Variants in SRC observed in about 807,000 individuals in gnomAD.
The protein encoded by SRC is SRC proto-oncogene, non-receptor tyrosine kinase, also known as proto-oncogene tyrosine-protein kinase Src.
In SRC, 13 loss-of-function variants were observed where a neutral mutation model predicts 62.9. The ratio of observed to expected loss-of-function variants is 0.21; its 90% CI spans 0.13 to 0.33. The LOEUF is 0.33. SRC is among the 10% of genes least tolerant of loss of function. The pLI, the probability that SRC is intolerant of heterozygous loss-of-function variation, is 1.00. For synonymous variants in SRC, 302 were observed against 317.5 expected (o/e 0.95, Z 0.52); for missense variants, 457 against 737.3 (o/e 0.62, Z 4.40).
chr20:37,375,416 T>C lies in SRC; in HGVS notation c.-172-7203T>C, dbSNP rs576477772. Among the ~76,000 whole-genome samples, 5 of 152,270 alleles carry C rather than the reference T, an allele frequency of 3.3e-5. No individual in the cohort carries two copies. The South Asian group carries it at 1.0e-3, about 32-fold the overall frequency. ...CTGGCTAATTTCTTTTGTGTATTTT[T>C]GGTAGAAATGGGGTTTCACCATGTT... On this transcript the variant is annotated intron_variant, in intron 2 of 13. Transcript: ENST00000373578.
At chr20:37,388,069 G>C (rs1279836865) in intron 5 of SRC, among the ~76,000 whole-genome samples, 1 of 152,226 alleles carries the variant, frequency 6.6e-6, no homozygotes, top group African/African-American at 2.4e-5. Context: ...ACAGGAGGGA[G>C]AGGCCCGTGC....
rs2070563093 is a variant in SRC, at chr20:37,392,223, CA to C, written c.351-1671del. On this transcript the variant is annotated intron_variant, in intron 5 of 13. Transcript: ENST00000373578. ...CAGCCCCAGTCACACCCCCTTGCCTCACTCCATCAGGAGGGGACACAACACC... is the reference window on the plus strand; with the variant it reads ...CAGCCCCAGTCACACCCCCTTGCCTCCTCCATCAGGAGGGGACACAACACC... Among the ~76,000 whole-genome samples, 3 of 152,304 alleles carry C rather than the reference CA, an allele frequency of 2.0e-5. No homozygotes were observed. The South Asian group carries it at 6.2e-4, about 32-fold the overall frequency.
intron 5 of SRC, among the ~76,000 whole-genome samples, chr20:37,387,057 G>A (rs528030659): frequency 6.6e-6 from 1 of 152,234 alleles, no homozygotes; most frequent in Non-Finnish European, 1.5e-5. Context: ...GACTGGAGGG[G>A]GCTGACGCCT....
Position 37,384,487 on chromosome 20 carries a change from C to T in SRC, c.250+84C>T, listed in dbSNP as rs2070416612. 7.9e-7 allele frequency: 1 copy of T among 1,267,218 alleles called. No individual in the cohort carries two copies. The highest frequency in any genetic ancestry group is 9.9e-7 in the Non-Finnish European group (1 of 1,010,606). The allele number at this position is 1,267,218 out of a possible 1,614,324, so 78.5% of individuals were successfully genotyped here. A position where few individuals can be genotyped will look rare whatever the true frequency, so the allele number is the denominator to read the frequency against. ...GGGGCTGTGTGCCCGGGGTCGCCCC[C>T]TCTGCGCAGGCCCTTCCTCTCGCCA... On this transcript the variant is annotated intron_variant, in intron 4 of 13. Transcript: ENST00000373578. The surrounding 1 kb of genome is among the most constrained non-coding windows in gnomAD (Gnocchi z 6.7).
rs1021151462 is a variant in SRC at position 37,397,252 on chromosome 20, TA to T, written c.704-445del. 3.9e-5 allele frequency among the ~76,000 whole-genome samples: 6 copies of T among 152,114 alleles called. No individual in the cohort carries two copies. The highest frequency in any genetic ancestry group is 1.4e-4 in the African/African-American group (6 of 41,426). ...CCTGCCTGGAGGGCTCTTCCCTACT[TA>T]ACCCCTCACCGTCCTGCACATCCAA... On this transcript the variant is annotated intron_variant, in intron 8 of 13. Coordinates refer to ENST00000373578, the MANE Select transcript of SRC (RefSeq NM_198291.3). This position sits in a 1 kb window ranked among gnomAD's most constrained non-coding sequence, Gnocchi z 4.1.
At chr20:37,389,076 G>A (rs1457526196) in intron 5 of SRC, among the ~76,000 whole-genome samples, 2 of 152,136 alleles carry the variant, frequency 1.3e-5, no homozygotes, top group Non-Finnish European at 2.9e-5. Context: ...ATGGGGTCTG[G>A]CCAAGTGGGG....
In SRC at chr20:37,396,411, C is replaced by T; in HGVS notation, c.703+100C>T. The T allele has an allele frequency of 7.1e-7, 1 of 1,416,854 alleles. No individual in the cohort carries two copies. The highest frequency in any genetic ancestry group is 9.6e-7 in the Non-Finnish European group (1 of 1,040,484). The allele number at this position is 1,416,854 out of a possible 1,614,324, so 87.8% of individuals were successfully genotyped here. A position where few individuals can be genotyped will look rare whatever the true frequency, so the allele number is the denominator to read the frequency against. ...CTAGAAGGGTGGGGACTTCTGTTAT[C>T]CTGCTTCTCTCCCCACTTCCCCCTC... On this transcript the variant is annotated intron_variant, in intron 8 of 13. Coordinates refer to ENST00000373578, the MANE Select transcript of SRC (RefSeq NM_198291.3). The surrounding 1 kb of genome is among the most constrained non-coding windows in gnomAD (Gnocchi z 6.1).
At chr20:37,355,634 C>T (rs1277679654) in intron 1 of SRC, among the ~76,000 whole-genome samples, 1 of 152,184 alleles carries the variant, frequency 6.6e-6, no homozygotes, top group African/African-American at 2.4e-5. Context: ...CCAGTCATTT[C>T]CCTATGGCAC....
chr20:37,360,366 G>C (rs2069951127), intron 1 of SRC, among the ~76,000 whole-genome samples: 1 of 151,698 alleles, frequency 6.6e-6, no homozygotes, highest in African/African-American at 2.4e-5. Context: ...TGGGACTACA[G>C]GCGCATACCA....
chr20:37,388,231 C>A (rs1407293959), intron 5 of SRC, among the ~76,000 whole-genome samples: 2 of 152,064 alleles, frequency 1.3e-5, no homozygotes, highest in African/African-American at 4.8e-5. Flanking sequence ...CAGAGAGTAG[C>A]CCCATGCTTG....
chr20:37,363,908 C>T (rs535221681), intron 1 of SRC, among the ~76,000 whole-genome samples: 19 of 152,242 alleles, frequency 1.2e-4, no homozygotes, highest in Admixed American at 6.5e-4. Flanking sequence ...GTGTGATGAG[C>T]GTGGTGCATG....
Position 37,396,070 on chromosome 20 carries a change from T to C in SRC, c.554-92T>C. 7 of 1,529,718 alleles carry C rather than the reference T, an allele frequency of 4.6e-6. No individual in the cohort carries two copies. The highest frequency in any genetic ancestry group is 6.2e-6 in the Non-Finnish European group (7 of 1,138,106). 94.8% of individuals were successfully genotyped at this position (1,529,718 alleles called of 1,614,324 possible). A position where few individuals can be genotyped will look rare whatever the true frequency, so the allele number is the denominator to read the frequency against. On this transcript the variant is annotated intron_variant, in intron 7 of 13. Coordinates refer to ENST00000373578, the MANE Select transcript of SRC (RefSeq NM_198291.3). This position sits in a 1 kb window ranked among gnomAD's most constrained non-coding sequence, Gnocchi z 6.1. The stretch of plus-strand genomic sequence containing the variant: ...GGGCCCCGCCTGGGCCTCCCTTCCC[T>C]CCAATGTCAGGCAGGCACAGAACGG...
chr20:37,375,707 T>C (rs995655899), intron 2 of SRC, among the ~76,000 whole-genome samples: 3 of 152,186 alleles, frequency 2.0e-5, no homozygotes, highest in Admixed American at 6.5e-5. Flanking sequence ...TTGGCAAGTA[T>C]CTTAGAGTGG....
Position 37,404,046 on chromosome 20 carries a change from TG to T in SRC, c.*671del, listed in dbSNP as rs1309631532. On this transcript the variant is annotated 3_prime_UTR_variant, in exon 14 of 14. Transcript: ENST00000373578. ...CACTTCCTTGCCCCCATTTCACCCA[TG>T]GGGAGACAGTTGAGAGCGGGGATGT... 8.5e-6 allele frequency: 2 copies of T among 234,320 alleles called. No individual in the cohort carries two copies. The highest frequency in any genetic ancestry group is 1.7e-5 in the Non-Finnish European group (2 of 118,656). 14.5% of individuals were successfully genotyped at this position (234,320 alleles called of 1,614,324 possible).
At chr20:37,347,353 G>T (rs915492592) in intron 1 of SRC, among the ~76,000 whole-genome samples, 2 of 151,470 alleles carry the variant, frequency 1.3e-5, no homozygotes, top group Non-Finnish European at 2.9e-5. Flanking sequence ...GGGGATCAAG[G>T]CACCGAGTCT....
rs764690151 is a variant in SRC, at chr20:37,403,343, C to T, written c.1575C>T (p.Ser525=). The change falls in exon 14 of 14, where the codon TCC becomes TCT. Residue 525 remains serine, a synonymous_variant. Transcript: ENST00000373578. The surrounding 1 kb of genome is among the most constrained non-coding windows in gnomAD (Gnocchi z 7.1). The part of the protein sequence containing the change: ...LQAFLEDYFT[S]TEPQYQPGEN... ...CCTTCCTGGAGGACTACTTCACGTCCACCGAGCCCCAGTACCAGCCCGGGG... is the reference window on the plus strand; with the variant it reads ...CCTTCCTGGAGGACTACTTCACGTCTACCGAGCCCCAGTACCAGCCCGGGG... 1.7e-5 allele frequency: 28 copies of T among 1,606,586 alleles called. No individual in the cohort carries two copies. Among genetic ancestry groups the T allele is most frequent in the Non-Finnish European group, 2.2e-5 (26 of 1,177,438 alleles).
Position 37,404,382 on chromosome 20 carries a change from G to A in SRC, c.*1003G>A, listed in dbSNP as rs1011680471. 3 of 233,462 alleles carry A rather than the reference G, an allele frequency of 1.3e-5. No individual in the cohort carries two copies. The highest frequency in any genetic ancestry group is 2.5e-5 in the Non-Finnish European group (3 of 118,008). 14.5% of individuals were successfully genotyped at this position (233,462 alleles called of 1,614,324 possible). ...TGATGTTTGACCTTCAGAGCCAGCC[G>A]GCTATGAAAGGGAGCGAGCCCCTCG... On this transcript the variant is annotated 3_prime_UTR_variant, in exon 14 of 14. Transcript: ENST00000373578.
intron 2 of SRC, among the ~76,000 whole-genome samples, chr20:37,373,419 A>G (rs2070225258): frequency 6.6e-6 from 1 of 151,686 alleles, no homozygotes; most frequent in Non-Finnish European, 1.5e-5. Context: ...ATATATACGC[A>G]TATATGCGTG....
At chr20:37,373,353 C>T (rs1306524227) in intron 2 of SRC, among the ~76,000 whole-genome samples, 1 of 150,788 alleles carries the variant, frequency 6.6e-6, no homozygotes, top group Non-Finnish European at 1.5e-5. Flanking sequence ...CACATATGTA[C>T]ATATATACAC....
Sources: gnomAD v4.1 joint callset for allele counts (sites outside exome capture counted in the v4.1 genomes callset) on GRCh38, gnomAD v4.1.1 for gene constraint, Gnocchi (gnomAD v3.1) non-coding constraint, MANE v1.5 for transcripts, NCBI Gene and HGNC (gene_info 2026-07-23, HGNC 2026-07-21) for gene names.